PURG: variants seen among roughly 807,000 people sequenced by gnomAD.
The protein encoded by PURG is purine-rich element-binding protein gamma.
PURG carries 3 observed loss-of-function variants against 24.3 expected under a neutral mutation model. The observed-to-expected ratio is 0.12, with a 90% CI of 0.06 to 0.32. The LOEUF is 0.32. Among genes scored for constraint, PURG ranks in the 10% least tolerant of loss-of-function variants. The pLI is 1.00. For synonymous variants in PURG, 180 were observed against 173.1 expected, an observed-to-expected ratio of 1.04 and a Z score of -0.31; for missense variants, 371 against 439.1, an observed-to-expected ratio of 0.84 and a Z score of 1.39.
At chr8:31,021,255 C>T (rs549535455) in intron 1 of PURG, among the ~76,000 whole-genome samples, 1 of 152,116 alleles carries the variant, frequency 6.6e-6, no homozygotes, top group South Asian at 2.1e-4. Flanking sequence ...GATAACGTAA[C>T]CAGTTGTTTT....
chr8:31,017,877 G>A (rs1810907385), intron 1 of PURG, among the ~76,000 whole-genome samples: 1 of 152,172 alleles, frequency 6.6e-6, no homozygotes, highest in South Asian at 2.1e-4. Context: ...AGAATTTAAT[G>A]TGAATTTTAT....
At chr8:30,997,804 C>T (rs1810458792) in intron 1 of PURG, among the ~76,000 whole-genome samples, 1 of 151,730 alleles carries the variant, frequency 6.6e-6, no homozygotes, top group Non-Finnish European at 1.5e-5. Flanking sequence ...AAAAATTATC[C>T]TATGCTTTTT....
chr8:31,026,661 T>TATATAC (rs1554513482), downstream of PURG, among the ~76,000 whole-genome samples: 1 of 144,508 alleles, frequency 6.9e-6, no homozygotes, highest in Non-Finnish European at 1.5e-5. Context: ...TATATATATA[T>TATATAC]ACATACACAT....
chr8:31,000,767 G>A (rs1810522422), intron 1 of PURG, among the ~76,000 whole-genome samples: 1 of 152,104 alleles, frequency 6.6e-6, no homozygotes, highest in African/African-American at 2.4e-5. Flanking sequence ...TTAAAGACAT[G>A]GCCCATTCTA....
At chr8:31,003,625 G>A (rs1361147726) in intron 1 of PURG, among the ~76,000 whole-genome samples, 1 of 152,086 alleles carries the variant, frequency 6.6e-6, no homozygotes, top group African/African-American at 2.4e-5. Flanking sequence ...AGCTGGGCAT[G>A]GTGGTGCCCA....
intron 1 of PURG, among the ~76,000 whole-genome samples, chr8:31,007,332 A>T (rs1315024726): frequency 6.6e-6 from 1 of 152,202 alleles, no homozygotes; most frequent in Non-Finnish European, 1.5e-5. Flanking sequence ...TGGGGCCTAA[A>T]TTATAATGGT....
chr8:30,999,179 T>C (rs1336953884), intron 1 of PURG, among the ~76,000 whole-genome samples: 1 of 151,894 alleles, frequency 6.6e-6, no homozygotes, highest in Non-Finnish European at 1.5e-5. Flanking sequence ...TAAGCACTTC[T>C]GTGTACTTAG....
intron 1 of PURG, among the ~76,000 whole-genome samples, chr8:30,999,677 C>A (rs1810497490): frequency 6.6e-6 from 1 of 151,958 alleles, no homozygotes; most frequent in South Asian, 2.1e-4. Flanking sequence ...CTAAAATGCA[C>A]AATGCTACTT....
At chr8:31,026,780 G>A (rs1183430016), downstream of PURG, among the ~76,000 whole-genome samples, 2 of 150,718 alleles carry the variant, frequency 1.3e-5, no homozygotes, top group African/African-American at 4.9e-5. Context: ...TGTACTATAT[G>A]TATGTTTTTC....
chr8:30,997,680 A>G (rs1020878212), intron 1 of PURG, among the ~76,000 whole-genome samples: 8 of 151,744 alleles, frequency 5.3e-5, no homozygotes, highest in African/African-American at 1.9e-4. Flanking sequence ...AAGAAAGTGG[A>G]GTTTGTCCAC....
intron 1 of PURG, among the ~76,000 whole-genome samples, chr8:31,014,956 A>C (rs1021995496): frequency 1.3e-5 from 2 of 152,226 alleles, no homozygotes; most frequent in African/African-American, 4.8e-5. Flanking sequence ...GATTATAAGC[A>C]TATCTTATTA....
Position 31,032,024 on chromosome 8 carries a change from A to C in PURG, c.759T>G (p.Gly253=), listed in dbSNP as rs1405231624. 1 of 1,614,022 alleles carries C rather than the reference A, an allele frequency of 6.2e-7. No homozygotes were observed. ...YGEGDIEERR[G]GDDDPLELPE... Reference sequence around the variant, plus strand: ...GGAGTTCAAGCGGGTCATCGTCTCCACCTCTTCGTTCTTCTATGTCTCCTT... The same window carrying C: ...GGAGTTCAAGCGGGTCATCGTCTCCCCCTCTTCGTTCTTCTATGTCTCCTT... The change falls in exon 2 of 2, where the codon GGT becomes GGG. Residue 253 remains glycine (G), a synonymous_variant. Coordinates refer to ENST00000523392, the MANE Select transcript of PURG (RefSeq NM_001323311.2). This position sits in a 1 kb window ranked among gnomAD's most constrained non-coding sequence, Gnocchi z 5.9.
chr8:31,005,851 A>G (rs1425591889), intron 1 of PURG, among the ~76,000 whole-genome samples: 2 of 150,530 alleles, frequency 1.3e-5, no homozygotes, highest in African/African-American at 4.9e-5. Flanking sequence ...GGGATTCATG[A>G]CTAATTATCT....
intron 1 of PURG, among the ~76,000 whole-genome samples, chr8:31,012,949 T>C (rs1206841964): frequency 6.6e-6 from 1 of 152,262 alleles, no homozygotes; most frequent in African/African-American, 2.4e-5. Context: ...ACGTTCACTT[T>C]ATAGTTATTT....
downstream of PURG, among the ~76,000 whole-genome samples, chr8:31,028,571 C>A (rs907033441): frequency 1.3e-5 from 2 of 151,778 alleles, no homozygotes; most frequent in African/African-American, 4.8e-5. Flanking sequence ...TCCACCCTGT[C>A]ATTTATTTTT....
chr8:31,008,506 G>A (rs1810700791), intron 1 of PURG, among the ~76,000 whole-genome samples: 1 of 152,196 alleles, frequency 6.6e-6, no homozygotes, highest in African/African-American at 2.4e-5. Flanking sequence ...GTTTCACCAT[G>A]TTGGCCAGGC....
At chr8:31,000,538 C>A (rs1125841) in intron 1 of PURG, among the ~76,000 whole-genome samples, 2 of 151,974 alleles carry the variant, frequency 1.3e-5, no homozygotes, top group African/African-American at 2.4e-5. Context: ...TGTAAGATTA[C>A]GATTCTCTGT....
chr8:31,011,641 T>A (rs1001502499), intron 1 of PURG, among the ~76,000 whole-genome samples: 5 of 151,946 alleles, frequency 3.3e-5, no homozygotes, highest in Admixed American at 3.3e-4. Flanking sequence ...TGGCAGATAA[T>A]CAAATAAATA....
chr8:31,007,234 T>C (rs1333302596), intron 1 of PURG, among the ~76,000 whole-genome samples: 1 of 152,122 alleles, frequency 6.6e-6, no homozygotes, highest in Non-Finnish European at 1.5e-5. Flanking sequence ...AAGAGCTAGA[T>C]TATAGAAAAA....
Sources: gnomAD v4.1 joint callset for allele counts (sites outside exome capture counted in the v4.1 genomes callset) on GRCh38, gnomAD v4.1.1 for gene constraint, Gnocchi (gnomAD v3.1) non-coding constraint, MANE v1.5 for transcripts, NCBI Gene and HGNC (gene_info 2026-07-23, HGNC 2026-07-21) for gene names.